The following SLAIN2 variants were observed in gnomAD, a reference collection of about 807,000 sequenced individuals.
The protein encoded by SLAIN2 is SLAIN family member 2.
In SLAIN2, 31 loss-of-function variants were observed where a neutral mutation model predicts 56.6. That is an observed-to-expected ratio of 0.55 (90% confidence interval 0.41 to 0.74). The LOEUF is 0.74. SLAIN2 is among the 30% of genes least tolerant of loss of function. The pLI is 0.00. For missense variants in SLAIN2, 777 were observed against 754.2 expected (o/e 1.03, Z -0.35); for synonymous variants, 317 against 284.9 (o/e 1.11, Z -1.13).
intron 6 of SLAIN2, among the ~76,000 whole-genome samples, chr4:48,393,993 A>G (rs74642685): frequency 0.053 from 8,041 of 152,190 alleles, 337 homozygotes; most frequent in African/African-American, 0.11. Flanking sequence ...TTGCATACGT[A>G]TGTGCACAGC....
At chr4:48,419,216 C>T (rs929487002) in intron 6 of SLAIN2, among the ~76,000 whole-genome samples, 1 of 152,074 alleles carries the variant, frequency 6.6e-6, no homozygotes, top group Non-Finnish European at 1.5e-5. Flanking sequence ...AGTTCTCCTG[C>T]CTCAGCCTCC....
chr4:48,371,903 C>T (rs1207723636), intron 2 of SLAIN2, among the ~76,000 whole-genome samples: 2 of 151,804 alleles, frequency 1.3e-5, no homozygotes, highest in African/African-American at 4.8e-5. Context: ...TTTGCACCAC[C>T]GCACTCCGGC....
rs1274246313 is a variant in SLAIN2 at position 48,362,482 on chromosome 4, A to T, written c.390-7367A>T. ...CGCCCAGGGTGGAGTGCAGTGGCTCAGTCTTGGGTCACTACAACCTCTGAC... is the reference window on the plus strand; with the variant it reads ...CGCCCAGGGTGGAGTGCAGTGGCTCTGTCTTGGGTCACTACAACCTCTGAC... On this transcript the variant is annotated intron_variant, in intron 1 of 7. Transcript: ENST00000264313. Among the ~76,000 whole-genome samples, 3 of 137,656 alleles carry T rather than the reference A, an allele frequency of 2.2e-5. No homozygotes were observed. The East Asian group carries it at 6.1e-4, about 28-fold the overall frequency. 90.3% of individuals were successfully genotyped at this position (137,656 alleles called of 152,430 possible).
intron 6 of SLAIN2, among the ~76,000 whole-genome samples, chr4:48,393,165 G>A (rs1716278770): frequency 6.6e-6 from 1 of 151,948 alleles, no homozygotes; most frequent in African/African-American, 2.4e-5. Flanking sequence ...TTGAGGTCAA[G>A]AGTTCCAGAC....
chr4:48,371,988 A>ACACG (rs1553902815), intron 2 of SLAIN2, among the ~76,000 whole-genome samples: 2 of 137,922 alleles, frequency 1.5e-5, no homozygotes, highest in Admixed American at 1.5e-4. Context: ...ACACACACAC[A>ACACG]CGCGCGCACA....
intron 6 of SLAIN2, among the ~76,000 whole-genome samples, chr4:48,397,031 A>C (rs1716412167): frequency 6.6e-6 from 1 of 152,196 alleles, no homozygotes; most frequent in African/African-American, 2.4e-5. Flanking sequence ...AAAACAATCC[A>C]GTCTATATTT....
At chr4:48,397,962 A>G (rs564297436) in intron 6 of SLAIN2, among the ~76,000 whole-genome samples, 1 of 152,346 alleles carries the variant, frequency 6.6e-6, no homozygotes, top group South Asian at 2.1e-4. Context: ...GCCGCAATGA[A>G]CATACACATG....
Position 48,390,084 on chromosome 4 carries a change from C to CTT in SLAIN2, c.1360+6313_1360+6314dup, listed in dbSNP as rs58551776. ...AATTTTGTTTTCTTTTTTTCTTTTT[C>CTT]TTTTTTTTTTTTTTCCTGAGACTCT... On this transcript the variant is annotated intron_variant, in intron 6 of 7. Coordinates refer to ENST00000264313, the MANE Select transcript of SLAIN2 (RefSeq NM_020846.2). 5.8e-4 allele frequency among the ~76,000 whole-genome samples: 81 copies of CTT among 139,416 alleles called. 2 individuals carry two copies. Among genetic ancestry groups the CTT allele is most frequent in the Admixed American group, 1.6e-3 (22 of 13,782 alleles). The allele number at this position is 139,416 out of a possible 152,430, so 91.5% of individuals were successfully genotyped here.
At chr4:48,368,403 G>C (rs549596030) in intron 1 of SLAIN2, among the ~76,000 whole-genome samples, 3 of 152,220 alleles carry the variant, frequency 2.0e-5, no homozygotes, top group East Asian at 3.9e-4. Context: ...GCCAGCAGTA[G>C]GGTAACTATG....
At chr4:48,383,549 ATGTT>A (rs1716025003) in intron 5 of SLAIN2, 94 bp from the exon 6 acceptor site, 7 of 1,131,698 alleles carry the variant, frequency 6.2e-6, no homozygotes, top group South Asian at 4.0e-5. Context: ...AATAAACAGA[ATGTT>A]TGATAAACAA....
intron 1 of SLAIN2, among the ~76,000 whole-genome samples, chr4:48,355,726 A>G (rs1443945697): frequency 3.3e-5 from 5 of 152,084 alleles, no homozygotes; most frequent in Admixed American, 3.3e-4. Flanking sequence ...TTCAATGTTA[A>G]GGTTAAACAC....
intron 6 of SLAIN2, among the ~76,000 whole-genome samples, chr4:48,416,356 CTGTT>C (rs1716993943): frequency 1.1e-5 from 1 of 95,160 alleles, no homozygotes; most frequent in African/African-American, 4.1e-5. Flanking sequence ...ATTTGGCTCT[CTGTT>C]TGTCTGTTGT....
intron 6 of SLAIN2, among the ~76,000 whole-genome samples, chr4:48,406,688 T>C (rs1469605082): frequency 2.0e-5 from 3 of 152,192 alleles, no homozygotes; most frequent in Non-Finnish European, 4.4e-5. Context: ...CAGTCATTTT[T>C]CTTGTCTGAA....
At chr4:48,411,908 G>A (rs1177700711) in intron 6 of SLAIN2, among the ~76,000 whole-genome samples, 1 of 152,046 alleles carries the variant, frequency 6.6e-6, no homozygotes, top group Non-Finnish European at 1.5e-5. Context: ...CTTGTATTTT[G>A]GGCCTCATGG....
In SLAIN2 at chr4:48,379,865, T is replaced by C; in HGVS notation, c.862+17T>C. On this transcript the variant is annotated intron_variant, in intron 4 of 7. Transcript: ENST00000264313. Reference sequence around the variant, plus strand: ...AGGAAGAAAGTAAGTATTCTAATTGTTAAGAGTTGAGGTTTTTTACTATTG... The same window carrying C: ...AGGAAGAAAGTAAGTATTCTAATTGCTAAGAGTTGAGGTTTTTTACTATTG... The C allele has an allele frequency of 6.5e-7, 1 of 1,526,884 alleles. No individual in the cohort carries two copies. The highest frequency in any genetic ancestry group is 8.8e-7 in the Non-Finnish European group (1 of 1,141,142). The allele number at this position is 1,526,884 out of a possible 1,614,324, so 94.6% of individuals were successfully genotyped here.
At chr4:48,393,386 T>TTGTG (rs57142552) in intron 6 of SLAIN2, among the ~76,000 whole-genome samples, 3,409 of 135,306 alleles carry the variant, frequency 0.025, 56 homozygotes, top group African/African-American at 0.041. Context: ...CATGTCTGGC[T>TTGTG]TGTGTGTGTG....
intron 6 of SLAIN2, among the ~76,000 whole-genome samples, chr4:48,388,516 TAA>T (rs1481682952): frequency 6.6e-6 from 1 of 152,196 alleles, no homozygotes; most frequent in Non-Finnish European, 1.5e-5. Flanking sequence ...TGTAAATGTT[TAA>T]GTGTATTATT....
At chr4:48,396,493 C>A (rs1716391910) in intron 6 of SLAIN2, among the ~76,000 whole-genome samples, 2 of 152,080 alleles carry the variant, frequency 1.3e-5, no homozygotes, top group Admixed American at 6.6e-5. Flanking sequence ...TGGAGAATAT[C>A]TTTTGGATCC....
intron 1 of SLAIN2, among the ~76,000 whole-genome samples, chr4:48,344,471 GAA>G (rs34646066): frequency 2.0e-5 from 3 of 152,064 alleles, no homozygotes; most frequent in African/African-American, 7.2e-5. Flanking sequence ...GTGTTATGTA[GAA>G]AAAAAGTGGG....
Sources: allele counts gnomAD v4.1 joint callset (sites outside exome capture counted in the v4.1 genomes callset), GRCh38; gene constraint gnomAD v4.1.1; transcripts MANE v1.5; gene names NCBI Gene and HGNC (gene_info 2026-07-23, HGNC 2026-07-21).